EBF3: variants seen among roughly 807,000 people sequenced by gnomAD.
EBF3 encodes the protein EBF transcription factor 3, also known as transcription factor COE3.
A neutral mutation model predicts 77.1 loss-of-function variants in EBF3; 18 were observed. The observed-to-expected ratio is 0.23, with a 90% CI of 0.16 to 0.35. The LOEUF (loss-of-function observed/expected upper bound fraction) is 0.35. Among genes scored for constraint, EBF3 ranks in the 10% least tolerant of loss-of-function variants. The pLI, the probability that EBF3 is intolerant of heterozygous loss-of-function variation, is 1.00. For missense variants in EBF3, 558 were observed against 860.0 expected (o/e 0.65, Z 4.39); for synonymous variants, 350 against 343.5 (o/e 1.02, Z -0.21).
intron 7 of EBF3, among the ~76,000 whole-genome samples, chr10:129,876,087 G>A (rs1009639738): frequency 7.9e-5 from 12 of 152,216 alleles, no homozygotes; most frequent in African/African-American, 1.2e-4. Flanking sequence ...GGTCAGCCAC[G>A]AAGGGTAAAG....
rs867298242 is a variant in EBF3, at chr10:129,925,103, T to C, written c.554+32155A>G. 3.6e-3 allele frequency among the ~76,000 whole-genome samples: 546 copies of C among 151,168 alleles called. 1 individual carries two copies. Among genetic ancestry groups the C allele is most frequent in the African/African-American group, 0.012 (493 of 41,064 alleles). On this transcript the variant is annotated intron_variant, in intron 6 of 16. Coordinates refer to ENST00000440978, the MANE Select transcript of EBF3 (RefSeq NM_001375380.1). ...GTGCACGCGTGTGTGTGTGTGTGTG[T>C]GCGTGTGTACGGTTGGTGCAAAAGT...
At chr10:129,895,310 C>G (rs960204135) in intron 6 of EBF3, among the ~76,000 whole-genome samples, 1 of 152,236 alleles carries the variant, frequency 6.6e-6, no homozygotes, top group African/African-American at 2.4e-5. Context: ...GCCTCTCCCC[C>G]AGCCAGGCTC....
rs766457351 is a variant in EBF3 at position 129,944,492 on chromosome 10, G to C, written c.554+12766C>G. Among the ~76,000 whole-genome samples, 2 of 152,208 alleles carry C rather than the reference G, an allele frequency of 1.3e-5. No individual in the cohort carries two copies. Among genetic ancestry groups the C allele is most frequent in the Non-Finnish European group, 2.9e-5 (2 of 68,044 alleles). ...AAATCAAGACCTGGAACATAAGTCA[G>C]ATGAATTAATATAGGCGGTGTAGGA... On this transcript the variant is annotated intron_variant, in intron 6 of 16. Transcript: ENST00000440978. The surrounding 1 kb of genome is among the most constrained non-coding windows in gnomAD (Gnocchi z 5.1).
chr10:129,880,840 C>G (rs1014963551), intron 6 of EBF3, among the ~76,000 whole-genome samples: 1 of 152,166 alleles, frequency 6.6e-6, no homozygotes. Flanking sequence ...TTCAATTAAG[C>G]CTTTGCAAGG....
Position 129,963,828 on chromosome 10 carries a change from T to G in EBF3, c.-60A>C. The G allele has an allele frequency of 6.8e-7, 1 of 1,465,502 alleles. No individual in the cohort carries two copies. 90.8% of individuals were successfully genotyped at this position (1,465,502 alleles called of 1,614,324 possible). A position where few individuals can be genotyped will look rare whatever the true frequency, so the allele number is the denominator to read the frequency against. ...AAAGCGTTTCCTCGAGCAGCGGCGC[T>G]CGGGGCTTGGCGGCAGGCGGCTGCC... is the stretch of plus-strand genomic sequence containing the variant. On this transcript the variant is annotated 5_prime_UTR_variant, in exon 1 of 17. Coordinates refer to ENST00000440978, the MANE Select transcript of EBF3 (RefSeq NM_001375380.1). This position sits in a 1 kb window ranked among gnomAD's most constrained non-coding sequence, Gnocchi z 7.1.
rs1441432852 is a variant in EBF3, at chr10:129,963,353, G to A, written c.291+14C>T. The A allele has an allele frequency of 2.5e-6, 4 of 1,576,922 alleles. No homozygotes were observed. In the African/African-American group the frequency reaches 5.6e-5, roughly 22 times the overall value. On this transcript the variant is annotated intron_variant, in intron 2 of 16. Transcript: ENST00000440978. This position sits in a 1 kb window ranked among gnomAD's most constrained non-coding sequence, Gnocchi z 7.1. ...CTAGAAAGAGAGAGGGTGTGATCGTGTGTTTGCACTTACTTTCTCTTTCTC... is the reference window on the plus strand; with the variant it reads ...CTAGAAAGAGAGAGGGTGTGATCGTATGTTTGCACTTACTTTCTCTTTCTC...
At chr10:129,888,245 A>G (rs1479894298) in intron 6 of EBF3, among the ~76,000 whole-genome samples, 3 of 152,114 alleles carry the variant, frequency 2.0e-5, no homozygotes, top group Non-Finnish European at 4.4e-5. Context: ...TGAACCTCAC[A>G]TGGTCCCAGT....
At position 129,952,980 on chromosome 10, in the gene EBF3, G is replaced by T. The variant is rs1481681435; in HGVS notation, c.554+4278C>A. Among the ~76,000 whole-genome samples the T allele has an allele frequency of 6.6e-6, 1 of 150,946 alleles. No individual in the cohort carries two copies. Among genetic ancestry groups the T allele is most frequent in the South Asian group, 2.1e-4 (1 of 4,754 alleles). ...TCAGTGAGCAGGACTGCCAGCAAAG[G>T]TCGGCTCTCTTTGACCTTTGTGACA... On this transcript the variant is annotated intron_variant, in intron 6 of 16. Transcript: ENST00000440978. This position sits in a 1 kb window ranked among gnomAD's most constrained non-coding sequence, Gnocchi z 4.7.
Position 129,879,077 on chromosome 10 carries a change from G to T in EBF3, c.555-1228C>A, listed in dbSNP as rs1482021899. Among the ~76,000 whole-genome samples the T allele has an allele frequency of 2.6e-5, 4 of 152,074 alleles. No homozygotes were observed. Among genetic ancestry groups the T allele is most frequent in the Admixed American group, 2.6e-4 (4 of 15,272 alleles). On this transcript the variant is annotated intron_variant, in intron 6 of 16. Transcript: ENST00000440978. This position sits in a 1 kb window ranked among gnomAD's most constrained non-coding sequence, Gnocchi z 4.7. ...GCTGTGACTAAAACGTCATCATGTT[G>T]TCCTCCGCATTCCTGCATGCTCAGT...
intron 7 of EBF3, among the ~76,000 whole-genome samples, chr10:129,877,481 C>CAAA (rs10541156): frequency 1.4e-4 from 11 of 77,220 alleles, no homozygotes; most frequent in South Asian, 5.7e-4. Flanking sequence ...ACTCTGTCTC[C>CAAA]AAAAAAAAAA....
chr10:129,874,929 G>A (rs1205337648), intron 7 of EBF3, among the ~76,000 whole-genome samples: 1 of 152,004 alleles, frequency 6.6e-6, no homozygotes, highest in Non-Finnish European at 1.5e-5. Flanking sequence ...CAGGGGGAGG[G>A]GCGCACGGGG....
chr10:129,916,248 G>A (rs1284018595), intron 6 of EBF3, among the ~76,000 whole-genome samples: 1 of 152,242 alleles, frequency 6.6e-6, no homozygotes, highest in Non-Finnish European at 1.5e-5. Context: ...GAGACCACCA[G>A]GCCCAGGTGC....
At chr10:129,916,360 C>T (rs1281164940) in intron 6 of EBF3, among the ~76,000 whole-genome samples, 1 of 152,226 alleles carries the variant, frequency 6.6e-6, no homozygotes, top group Admixed American at 6.5e-5. Context: ...TCTCTGTCCA[C>T]CACCTCATGC....
In EBF3 at chr10:129,843,205, A is replaced by C. The variant is rs1590042045; in HGVS notation, c.1129-3T>G. ...GCCGCCCGCTTCAGTAACACCTCCT[A>C]AAGGAAGAGCAGACAGGAGGTGATT... On this transcript the variant is annotated splice_polypyrimidine_tract_variant and splice_region_variant and intron_variant, in intron 11 of 16. Transcript: ENST00000440978. 9 of 1,610,394 alleles carry C rather than the reference A, an allele frequency of 5.6e-6. No individual in the cohort carries two copies. The highest frequency in any genetic ancestry group is 6.8e-6 in the Non-Finnish European group (8 of 1,178,390).
At chr10:129,851,895 G>A (rs1274084452) in intron 10 of EBF3, among the ~76,000 whole-genome samples, 1 of 152,226 alleles carries the variant, frequency 6.6e-6, no homozygotes, top group Non-Finnish European at 1.5e-5. Context: ...CGTCCTTTTA[G>A]AGATAAACTG....
In EBF3 at chr10:129,958,975, C is replaced by T; in HGVS notation, c.444G>A (p.Pro148=). ...AIVYEGQDKN[P]EMCRVLLTHE... ...GGGTCAGCAGCACACGGCACATCTC[C>T]GGGTTCTTGTCCTGGCCCTCGTAGA... The change falls in exon 5 of 17, where the codon CCG becomes CCA. Residue 148 remains proline (P), a synonymous_variant. Transcript: ENST00000440978. 2 of 1,601,564 alleles carry T rather than the reference C, an allele frequency of 1.2e-6. No homozygotes were observed. Among genetic ancestry groups the T allele is most frequent in the African/African-American group, 1.4e-5 (1 of 72,648 alleles).
At chr10:129,890,449 G>A (rs929060849) in intron 6 of EBF3, among the ~76,000 whole-genome samples, 3 of 152,238 alleles carry the variant, frequency 2.0e-5, no homozygotes, top group Middle Eastern at 3.2e-3. Context: ...CACAAAGAGC[G>A]CCATTAACAC....
intron 10 of EBF3, among the ~76,000 whole-genome samples, chr10:129,853,789 T>C (rs1264146650): frequency 2.0e-5 from 3 of 152,230 alleles, no homozygotes; most frequent in Non-Finnish European, 4.4e-5. Context: ...AAAGTGCTAT[T>C]TGCTGACAAG....
At chr10:129,950,521 G>T (rs1858596739) in intron 6 of EBF3, among the ~76,000 whole-genome samples, 1 of 152,182 alleles carries the variant, frequency 6.6e-6, no homozygotes, top group South Asian at 2.1e-4. Context: ...TCTTTTGACA[G>T]ATATGTCTGA....
Sources: gnomAD v4.1 joint callset for allele counts (sites outside exome capture counted in the v4.1 genomes callset) on GRCh38, gnomAD v4.1.1 for gene constraint, Gnocchi (gnomAD v3.1) non-coding constraint, MANE v1.5 for transcripts, NCBI Gene and HGNC (gene_info 2026-07-23, HGNC 2026-07-21) for gene names.